ITGB3BP: variants seen among roughly 807,000 people sequenced by gnomAD.
ITGB3BP encodes the protein centromere protein R.
Under a neutral mutation model 29.1 loss-of-function variants are expected in ITGB3BP, and 27 were observed. That is an observed-to-expected ratio of 0.93 (90% CI 0.68 to 1.28). ITGB3BP has a LOEUF of 1.28. ITGB3BP is among the 50% of genes most tolerant of loss of function. ITGB3BP has a pLI of 0.00. For missense variants in ITGB3BP, 192 were observed against 200.2 expected (o/e 0.96, Z 0.25); for synonymous variants, 61 against 61.4 (o/e 0.99, Z 0.03).
chr1:63,445,571 T>C (rs2100468063), intron 8 of ITGB3BP, among the ~76,000 whole-genome samples: 1 of 151,892 alleles, frequency 6.6e-6, no homozygotes, highest in East Asian at 1.9e-4. Flanking sequence ...CCCTAAGAGA[T>C]AGCAGGCAAA....
At chr1:63,488,154 G>C (rs1025623106) in intron 3 of ITGB3BP, among the ~76,000 whole-genome samples, 1 of 152,036 alleles carries the variant, frequency 6.6e-6, no homozygotes, top group African/African-American at 2.4e-5. Context: ...TGTTCACATA[G>C]TACATGGTTC....
At chr1:63,509,401 C>T (rs2100777729) in intron 1 of ITGB3BP, among the ~76,000 whole-genome samples, 2 of 152,272 alleles carry the variant, frequency 1.3e-5, no homozygotes, top group East Asian at 3.9e-4. Flanking sequence ...TTAAAAGTAT[C>T]TTCCTGATTC....
intron 1 of ITGB3BP, 56 bp downstream of exon 1, chr1:63,523,073 C>A: frequency 6.2e-7 from 1 of 1,605,286 alleles, no homozygotes; most frequent in Non-Finnish European, 8.5e-7. Context: ...CACATAATAT[C>A]TTCTCTTCTT....
chr1:63,445,007 G>A (rs2100466310), intron 8 of ITGB3BP, among the ~76,000 whole-genome samples: 1 of 152,252 alleles, frequency 6.6e-6, no homozygotes, highest in South Asian at 2.1e-4. Flanking sequence ...CAATAGGGCT[G>A]GGCACGGTGG....
chr1:63,469,204 C>T (rs1347702447), intron 4 of ITGB3BP, among the ~76,000 whole-genome samples: 1 of 152,124 alleles, frequency 6.6e-6, no homozygotes, highest in Non-Finnish European at 1.5e-5. Context: ...ATGCCTAAGA[C>T]ATGGCAAATA....
At chr1:63,485,582 T>TTTG (rs1448289598) in intron 3 of ITGB3BP, among the ~76,000 whole-genome samples, 4 of 152,118 alleles carry the variant, frequency 2.6e-5, no homozygotes, top group African/African-American at 9.6e-5. Context: ...ATCATTGCTT[T>TTTG]TTGCAATTCC....
rs138151467 is a variant in ITGB3BP at position 63,507,005 on chromosome 1, T to A, written c.48+1523A>T. On this transcript the variant is annotated intron_variant, in intron 2 of 8. Transcript: ENST00000271002. ...TAAGTTGTTACTAGAGTAGATGAAG[T>A]GTGTATGTAGCCATGGAGAGAAGCC... 7.3e-4 allele frequency among the ~76,000 whole-genome samples: 111 copies of A among 152,258 alleles called. 1 individual carries two copies. The East Asian group carries it at 0.02, about 27-fold the overall frequency.
chr1:63,449,133 T>A lies in ITGB3BP; in HGVS notation c.485-2277A>T, dbSNP rs138333459. On this transcript the variant is annotated intron_variant, in intron 7 of 8. Coordinates refer to ENST00000271002, the MANE Select transcript of ITGB3BP (RefSeq NM_014288.5). ...TGTGTACACGCTGTAGAAGGAAAAT[T>A]TATGAAACCTTTGCACAACTCCTTT... Among the ~76,000 whole-genome samples, 62 of 152,254 alleles carry A rather than the reference T, an allele frequency of 4.1e-4. No homozygotes were observed. The East Asian group carries it at 8.3e-3, about 20-fold the overall frequency.
chr1:63,455,355 T>G (rs1644917966), intron 4 of ITGB3BP, among the ~76,000 whole-genome samples: 1 of 152,196 alleles, frequency 6.6e-6, no homozygotes, highest in Non-Finnish European at 1.5e-5. Flanking sequence ...TCACTTGGAA[T>G]TCAATCTTCT....
At chr1:63,457,817 C>G (rs1488951526) in intron 4 of ITGB3BP, 1 of 152,174 alleles carries the variant, frequency 6.6e-6, no homozygotes, top group African/African-American at 2.4e-5. Flanking sequence ...GCCAGTTTTA[C>G]GGCATCCTTA....
At chr1:63,523,286 G>T (rs17125092), upstream of ITGB3BP, 3 of 953,696 alleles carry the variant, frequency 3.1e-6, no homozygotes, top group South Asian at 1.4e-5. Flanking sequence ...CATCCTCCCC[G>T]CGACGAAGGA....
intron 3 of ITGB3BP, among the ~76,000 whole-genome samples, chr1:63,480,349 G>A (rs934955308): frequency 6.6e-6 from 1 of 152,026 alleles, no homozygotes; most frequent in Non-Finnish European, 1.5e-5. Flanking sequence ...TTAGTTGTTT[G>A]TTCTAGAGTA....
chr1:63,473,371 A>G (rs1378558867), intron 4 of ITGB3BP, among the ~76,000 whole-genome samples: 3 of 138,098 alleles, frequency 2.2e-5, no homozygotes, highest in African/African-American at 5.6e-5. Flanking sequence ...CCGCCCGGCC[A>G]GCCGCCCCGT....
chr1:63,474,926 CAAAACAA>C (rs1645307142), intron 4 of ITGB3BP, among the ~76,000 whole-genome samples: 1 of 150,970 alleles, frequency 6.6e-6, no homozygotes, highest in African/African-American at 2.5e-5. Context: ...AAAAACAAAA[CAAAACAA>C]AAACAAAAAC....
In ITGB3BP at chr1:63,446,699, A is replaced by G. The variant is rs1364400102; in HGVS notation, c.*1+107T>C. The G allele has an allele frequency of 1.6e-5, 13 of 796,322 alleles. No homozygotes were observed. In the East Asian group the frequency reaches 2.8e-4, roughly 17 times the overall value. The allele number at this position is 796,322 out of a possible 1,614,324, so 49.3% of individuals were successfully genotyped here. On this transcript the variant is annotated intron_variant, in intron 8 of 8. Transcript: ENST00000271002. Reference sequence around the variant, plus strand: ...TCCAAAGCTATATCCCTATTTTCTTACAGGAAGACAATACCAAATCTGATA... The same window carrying G: ...TCCAAAGCTATATCCCTATTTTCTTGCAGGAAGACAATACCAAATCTGATA...
intron 3 of ITGB3BP, among the ~76,000 whole-genome samples, chr1:63,482,192 G>A (rs1419489549): frequency 2.2e-5 from 3 of 137,268 alleles, no homozygotes; most frequent in Non-Finnish European, 4.6e-5. Flanking sequence ...AGAATCACTT[G>A]AACCTGGGAG....
chr1:63,468,493 C>T (rs565983653), intron 4 of ITGB3BP, among the ~76,000 whole-genome samples: 11 of 151,978 alleles, frequency 7.2e-5, no homozygotes, highest in Non-Finnish European at 1.0e-4. Context: ...TTTGGGAGGC[C>T]GAGGCAGGCA....
intron 1 of ITGB3BP, among the ~76,000 whole-genome samples, 182 bp from the exon 2 acceptor site, chr1:63,508,752 T>C (rs576829643): frequency 2.6e-5 from 4 of 152,246 alleles, no homozygotes; most frequent in South Asian, 2.1e-4. Flanking sequence ...TTGATTCTAA[T>C]TGCATATCTC....
rs374456702 is a variant in ITGB3BP at position 63,460,016 on chromosome 1, CA to C, written c.255-5049del. Among the ~76,000 whole-genome samples the C allele has an allele frequency of 9.0e-3, 1,313 of 145,500 alleles. 12 individuals carry two copies. Among genetic ancestry groups the C allele is most frequent in the African/African-American group, 0.028 (1,106 of 39,966 alleles). ...TATAAATAAAATTGACATTCTTTGT[CA>C]AAAAAAAAAATTCCCCCCCGTGTTT... On this transcript the variant is annotated intron_variant, in intron 4 of 8. Transcript: ENST00000271002.
Sources: allele counts gnomAD v4.1 joint callset (sites outside exome capture counted in the v4.1 genomes callset), GRCh38; gene constraint gnomAD v4.1.1; transcripts MANE v1.5; gene names NCBI Gene and HGNC (gene_info 2026-07-23, HGNC 2026-07-21).